Variants in CMTM4 observed in about 807,000 individuals in gnomAD.
CMTM4 encodes the protein CKLF-like MARVEL transmembrane domain-containing protein 4.
CMTM4 carries 8 observed loss-of-function variants against 19.0 expected under a neutral mutation model. That is an observed-to-expected ratio of 0.42 (90% CI 0.25 to 0.76). CMTM4 has a LOEUF of 0.76. CMTM4 is among the 30% of genes least tolerant of loss of function. The pLI, the probability that CMTM4 is intolerant of heterozygous loss-of-function variation, is 0.27. For synonymous variants in CMTM4, 106 were observed against 121.1 expected, an observed-to-expected ratio of 0.88 and a Z score of 0.82; for missense variants, 228 against 290.2, an observed-to-expected ratio of 0.79 and a Z score of 1.56.
At chr16:66,682,597 A>G (rs558189872) in intron 1 of CMTM4, among the ~76,000 whole-genome samples, 1 of 152,304 alleles carries the variant, frequency 6.6e-6, no homozygotes, top group African/African-American at 2.4e-5. Flanking sequence ...AAACTTAACC[A>G]TTCATTTGAA....
rs180689982 is a variant in CMTM4, at chr16:66,678,394, G to A, written c.186+17946C>T. Reference sequence around the variant, plus strand: ...CTGGATAAAAATCCAGCCCCCTCTCGCCACATAGTCCCCATTTCAACATAA... The same window carrying A: ...CTGGATAAAAATCCAGCCCCCTCTCACCACATAGTCCCCATTTCAACATAA... On this transcript the variant is annotated intron_variant, in intron 1 of 3. Transcript: ENST00000394106. 2.4e-4 allele frequency among the ~76,000 whole-genome samples: 37 copies of A among 152,240 alleles called. No individual in the cohort carries two copies. The South Asian group carries it at 4.6e-3, about 19-fold the overall frequency.
the CMTM4 span, chr16:66,608,479 C>T: frequency 1.2e-5 from 19 of 1,612,862 alleles, no homozygotes; most frequent in Non-Finnish European, 1.6e-5. This position sits in a 1 kb window ranked among gnomAD's most constrained non-coding sequence, Gnocchi z 5.1. Context: ...GGACAGGGGC[C>T]CCAGGAGGGA....
intron 1 of CMTM4, among the ~76,000 whole-genome samples, chr16:66,640,590 A>G (rs1035612951): frequency 1.3e-5 from 2 of 152,206 alleles, no homozygotes; most frequent in African/African-American, 2.4e-5. Flanking sequence ...GGGTCTTAAA[A>G]GGGCCACCAG....
At chr16:66,651,915 G>A (rs538812870) in intron 1 of CMTM4, among the ~76,000 whole-genome samples, 55 of 152,362 alleles carry the variant, frequency 3.6e-4, no homozygotes, top group African/African-American at 1.3e-3. Flanking sequence ...CTAATTGCAA[G>A]TGTAAATTAT....
Position 66,621,100 on chromosome 16 carries a change from C to T in CMTM4, c.*958G>A, listed in dbSNP as rs1360954349. On this transcript the variant is annotated 3_prime_UTR_variant, in exon 4 of 4. Coordinates refer to ENST00000394106, the MANE Select transcript of CMTM4 (RefSeq NM_181521.3). ...ATCTGCTCAGAATCATTTTAGAACT[C>T]TTTGCAGGCATTTAGAAAATTAGCA... The T allele has an allele frequency of 6.1e-6, 6 of 985,770 alleles. No individual in the cohort carries two copies. In the South Asian group the frequency reaches 1.4e-4, roughly 23 times the overall value. The allele number at this position is 985,770 out of a possible 1,614,324, so 61.1% of individuals were successfully genotyped here.
chr16:66,619,974 G>A lies in CMTM4; in HGVS notation c.*2084C>T, dbSNP rs2015598642. 4.1e-6 allele frequency: 4 copies of A among 985,248 alleles called. No homozygotes were observed. The African/African-American group carries it at 7.0e-5, about 17-fold the overall frequency. 61.0% of individuals were successfully genotyped at this position (985,248 alleles called of 1,614,324 possible). A position where few individuals can be genotyped will look rare whatever the true frequency, so the allele number is the denominator to read the frequency against. The stretch of plus-strand genomic sequence containing the variant: ...TCTTGCAGCTGACAACATATCCTCA[G>A]GAGGCCAACCACCTGCCCCCCTCTT... On this transcript the variant is annotated 3_prime_UTR_variant, in exon 4 of 4. Coordinates refer to ENST00000394106, the MANE Select transcript of CMTM4 (RefSeq NM_181521.3).
At chr16:66,602,636 T>C in the CMTM4 span, among the ~76,000 whole-genome samples, 1 of 152,130 alleles carries the variant, frequency 6.6e-6, no homozygotes, top group African/African-American at 2.4e-5. Flanking sequence ...AACCTCTGCC[T>C]TCTGGGTTCA....
At chr16:66,633,628 GC>G (rs1399961191) in intron 2 of CMTM4, among the ~76,000 whole-genome samples, 1 of 152,060 alleles carries the variant, frequency 6.6e-6, no homozygotes, top group Admixed American at 6.6e-5. Flanking sequence ...GAACAGTCTG[GC>G]CAACGTGGCG....
chr16:66,684,289 T>C (rs983950805), intron 1 of CMTM4, among the ~76,000 whole-genome samples: 2 of 152,088 alleles, frequency 1.3e-5, no homozygotes, highest in Non-Finnish European at 2.9e-5. Flanking sequence ...TTCTCCTGCC[T>C]CATCCTCCCG....
intron 1 of CMTM4, among the ~76,000 whole-genome samples, chr16:66,666,237 G>A (rs1368149624): frequency 6.6e-6 from 1 of 152,174 alleles, no homozygotes; most frequent in Non-Finnish European, 1.5e-5. Flanking sequence ...CGGATCACAA[G>A]GTCAGGAGAT....
intron 1 of CMTM4, among the ~76,000 whole-genome samples, chr16:66,692,145 C>T (rs969365244): frequency 6.6e-6 from 1 of 151,876 alleles, no homozygotes; most frequent in African/African-American, 2.4e-5. Flanking sequence ...GGCTGGAATG[C>T]AAGGGCACAA....
intron 1 of CMTM4, among the ~76,000 whole-genome samples, chr16:66,665,806 T>A: frequency 6.6e-6 from 1 of 150,764 alleles, no homozygotes; most frequent in East Asian, 2.0e-4. Flanking sequence ...TGGTGGCTCA[T>A]GCCTGTAATC....
At chr16:66,642,800 A>C (rs2016119927) in intron 1 of CMTM4, among the ~76,000 whole-genome samples, 1 of 152,232 alleles carries the variant, frequency 6.6e-6, no homozygotes, top group South Asian at 2.1e-4. Flanking sequence ...TATGATTGGC[A>C]GCATCTAAAA....
intron 2 of CMTM4, 84 bp from the exon 3 acceptor site, chr16:66,623,586 AC>A: frequency 1.2e-6 from 1 of 847,530 alleles, no homozygotes; most frequent in Non-Finnish European, 1.8e-6. Context: ...TCAAAATAAG[AC>A]CCACGATACC....
chr16:66,694,040 A>G (rs2017185194), intron 1 of CMTM4, among the ~76,000 whole-genome samples: 1 of 152,034 alleles, frequency 6.6e-6, no homozygotes, highest in African/African-American at 2.4e-5. Flanking sequence ...AAAGAAAAAG[A>G]AAGAGTGAGA....
intron 1 of CMTM4, among the ~76,000 whole-genome samples, chr16:66,651,585 TAACA>T (rs1386084094): frequency 6.6e-6 from 1 of 152,136 alleles, no homozygotes. Context: ...ATAAGATGCC[TAACA>T]TATGACTTAT....
In CMTM4 at chr16:66,619,046, C is replaced by A. The variant is rs1433336468; in HGVS notation, c.*3012G>T. On this transcript the variant is annotated 3_prime_UTR_variant, in exon 4 of 4. Transcript: ENST00000394106. ...ACCTCCCTCGGATGGCTGTTTACTT[C>A]AAATCAAACTTCTCTGACGAGATTT... 7 of 985,380 alleles carry A rather than the reference C, an allele frequency of 7.1e-6. No individual in the cohort carries two copies. Among genetic ancestry groups the A allele is most frequent in the East Asian group, 1.1e-4 (1 of 8,828 alleles). 61.0% of individuals were successfully genotyped at this position (985,380 alleles called of 1,614,324 possible).
At chr16:66,649,481 T>TCTATCTAC (rs2016271086) in intron 1 of CMTM4, among the ~76,000 whole-genome samples, 4 of 151,530 alleles carry the variant, frequency 2.6e-5, no homozygotes, top group South Asian at 2.1e-4. Context: ...TATCTATCTA[T>TCTATCTAC]CTATCTATCT....
At chr16:66,605,841 G>C in the CMTM4 span, among the ~76,000 whole-genome samples, 5 of 152,182 alleles carry the variant, frequency 3.3e-5, no homozygotes, top group Non-Finnish European at 7.3e-5. The surrounding 1 kb of genome is among the most constrained non-coding windows in gnomAD (Gnocchi z 4.6). Context: ...TGGTCACTCA[G>C]GGCAGAGGGC....
Sources: gnomAD v4.1 joint callset for allele counts (sites outside exome capture counted in the v4.1 genomes callset) on GRCh38, gnomAD v4.1.1 for gene constraint, Gnocchi (gnomAD v3.1) non-coding constraint, MANE v1.5 for transcripts, NCBI Gene and HGNC (gene_info 2026-07-23, HGNC 2026-07-21) for gene names.